Variants in OR14A2 observed in about 807,000 individuals in gnomAD.
OR14A2 encodes olfactory receptor 14A2.
For missense variants in OR14A2, 237 were observed against 152.9 expected (o/e 1.55, Z -2.90); for synonymous variants, 114 against 58.6 (o/e 1.95, Z -4.32).
the OR14A2 span, among the ~76,000 whole-genome samples, chr1:247,733,840 A>G: frequency 6.6e-6 from 1 of 152,192 alleles, no homozygotes; most frequent in Non-Finnish European, 1.5e-5. Flanking sequence ...AAAAAGAAAA[A>G]GAAAATTCAT....
chr1:247,734,578 T>C, the OR14A2 span, among the ~76,000 whole-genome samples: 2 of 152,226 alleles, frequency 1.3e-5, no homozygotes, highest in African/African-American at 4.8e-5. Flanking sequence ...GGATATACCA[T>C]CTTTATTGCT....
chr1:247,732,074 G>C, the OR14A2 span, among the ~76,000 whole-genome samples: 2 of 152,184 alleles, frequency 1.3e-5, no homozygotes, highest in East Asian at 3.9e-4. Flanking sequence ...ATTTCATTCA[G>C]ATCTTGGTAT....
chr1:247,724,586 T>C (rs1239622725), upstream of OR14A2, among the ~76,000 whole-genome samples: 3 of 152,138 alleles, frequency 2.0e-5, no homozygotes, highest in Non-Finnish European at 4.4e-5. Flanking sequence ...ATTCTAATGA[T>C]AGTAAGCAAG....
chr1:247,732,236 C>A, the OR14A2 span, among the ~76,000 whole-genome samples: 4 of 152,072 alleles, frequency 2.6e-5, no homozygotes, highest in Non-Finnish European at 4.4e-5. Flanking sequence ...TCTTTTCTGG[C>A]GCCCCAGTCC....
the OR14A2 span, chr1:247,738,884 C>A: frequency 4.9e-5 from 38 of 780,672 alleles, no homozygotes; most frequent in Non-Finnish European, 9.1e-5. Context: ...CTGACTCCAT[C>A]TCCTTCCTGG....
the OR14A2 span, among the ~76,000 whole-genome samples, chr1:247,738,278 C>A: frequency 5.3e-5 from 8 of 152,108 alleles, no homozygotes; most frequent in African/African-American, 1.7e-4. Context: ...TGCCCTATTG[C>A]AGTTTTATAT....
the OR14A2 span, among the ~76,000 whole-genome samples, chr1:247,747,265 A>C: frequency 1.1e-3 from 172 of 152,274 alleles, no homozygotes; most frequent in South Asian, 2.1e-3. Context: ...GCCAGGGTGA[A>C]TCAGCCTATG....
At chr1:247,742,367 C>T in the OR14A2 span, among the ~76,000 whole-genome samples, 1 of 148,086 alleles carries the variant, frequency 6.8e-6, no homozygotes, top group Non-Finnish European at 1.5e-5. Context: ...GTTGATAATA[C>T]ACGCACACAC....
the OR14A2 span, among the ~76,000 whole-genome samples, chr1:247,747,345 T>C: frequency 6.6e-6 from 1 of 150,904 alleles, no homozygotes; most frequent in Non-Finnish European, 1.5e-5. Context: ...AACCATGAAC[T>C]GCTAATGCGA....
At chr1:247,739,507 C>T in the OR14A2 span, 4 of 780,696 alleles carry the variant, frequency 5.1e-6, no homozygotes, top group Non-Finnish European at 9.6e-6. Flanking sequence ...ATTAAATCCG[C>T]TCTGAGTAAA....
At chr1:247,731,239 G>T in the OR14A2 span, among the ~76,000 whole-genome samples, 1 of 151,722 alleles carries the variant, frequency 6.6e-6, no homozygotes, top group African/African-American at 2.4e-5. Flanking sequence ...TGAAATTTTT[G>T]ATTGATAGTT....
the OR14A2 span, among the ~76,000 whole-genome samples, chr1:247,736,295 C>T: frequency 9.5e-4 from 145 of 152,084 alleles, no homozygotes; most frequent in Middle Eastern, 3.4e-3. Flanking sequence ...TAAACCTGAA[C>T]TTACCCTATC....
At chr1:247,740,311 A>C in the OR14A2 span, among the ~76,000 whole-genome samples, 1 of 152,070 alleles carries the variant, frequency 6.6e-6, no homozygotes, top group South Asian at 2.1e-4. Context: ...TCTGATTTTC[A>C]CTATTTGGTA....
the OR14A2 span, chr1:247,738,588 T>C: frequency 1.3e-6 from 1 of 743,016 alleles, no homozygotes; most frequent in Non-Finnish European, 2.5e-6. Flanking sequence ...TTTCCTTTAC[T>C]CCATAGGGCG....
chr1:247,725,386 A>G (rs1000350820), upstream of OR14A2, among the ~76,000 whole-genome samples: 16 of 152,192 alleles, frequency 1.1e-4, no homozygotes, highest in Admixed American at 5.2e-4. Context: ...GCTTACTTCA[A>G]TGGTCAGTCT....
At chr1:247,746,966 A>G in the OR14A2 span, 1 of 152,188 alleles carries the variant, frequency 6.6e-6, no homozygotes, top group African/African-American at 2.4e-5. Flanking sequence ...GACCTCTTAG[A>G]TACTTAAAAA....
At chr1:247,738,565 G>A in the OR14A2 span, 1 of 711,392 alleles carries the variant, frequency 1.4e-6, no homozygotes, top group South Asian at 1.6e-5. Flanking sequence ...TTTAATATTA[G>A]TATGACACTT....
At chr1:247,733,632 T>G in the OR14A2 span, among the ~76,000 whole-genome samples, 58 of 152,106 alleles carry the variant, frequency 3.8e-4, no homozygotes, top group Non-Finnish European at 3.2e-4. Flanking sequence ...ATTGCAATAC[T>G]CTTTTTGAAT....
the OR14A2 span, among the ~76,000 whole-genome samples, chr1:247,740,075 C>A: frequency 1.3e-5 from 2 of 152,208 alleles, no homozygotes; most frequent in Non-Finnish European, 2.9e-5. Flanking sequence ...TTTCCTATGA[C>A]AACTTCAATG....
Sources: gnomAD v4.1 joint callset for allele counts (sites outside exome capture counted in the v4.1 genomes callset) on GRCh38, gnomAD v4.1.1 for gene constraint, MANE v1.5 for transcripts, NCBI Gene and HGNC (gene_info 2026-07-23, HGNC 2026-07-21) for gene names.